Variants in LCP2 observed in about 807,000 individuals in gnomAD.
LCP2 encodes the protein lymphocyte cytosolic protein 2, also known as 76 kDa tyrosine phosphoprotein.
In LCP2, 29 loss-of-function variants were observed where a neutral mutation model predicts 74.5. The observed-to-expected ratio is 0.39, with a 90% CI of 0.29 to 0.53. The LOEUF (loss-of-function observed/expected upper bound fraction) is 0.53, where lower values mean the gene tolerates loss of function less well. Among genes scored for constraint, LCP2 ranks in the 20% least tolerant of loss-of-function variants. The pLI, the probability that LCP2 is intolerant of heterozygous loss-of-function variation, is 0.72. For synonymous variants in LCP2, 228 were observed against 229.5 expected (o/e 0.99, Z 0.06); for missense variants, 604 against 634.6 (o/e 0.95, Z 0.52).
intron 2 of LCP2, among the ~76,000 whole-genome samples, chr5:170,290,952 A>AAAAGAAAGAAAGAAAGAAAG (rs201112309): frequency 1.7e-5 from 2 of 116,956 alleles, no homozygotes; most frequent in Non-Finnish European, 3.5e-5. Context: ...AGAAAGAAAG[A>AAAAGAAAGAAAGAAAGAAAG]AAAGAAAGAA....
At chr5:170,276,764 G>T (rs896443998) in intron 3 of LCP2, among the ~76,000 whole-genome samples, 17 of 152,076 alleles carry the variant, frequency 1.1e-4, no homozygotes, top group Non-Finnish European at 2.2e-4. Flanking sequence ...GTAGTCAATA[G>T]GCTTAGTGTT....
rs962580918 is a variant in LCP2 at position 170,293,375 on chromosome 5, G to T, written c.79-3C>A. 6.3e-7 allele frequency: 1 copy of T among 1,590,106 alleles called. No homozygotes were observed. Among genetic ancestry groups the T allele is most frequent in the Non-Finnish European group, 8.6e-7 (1 of 1,167,506 alleles). ...TTCTCACAGTCCTTATAGTTGAGCT[G>T]CAAAGAGAAGGGGAAGGTGTTGTTA... is the stretch of plus-strand genomic sequence containing the variant. On this transcript the variant is annotated splice_region_variant and splice_polypyrimidine_tract_variant and intron_variant, in intron 1 of 20. Transcript: ENST00000046794.
At chr5:170,288,224 C>G (rs1317372327) in intron 2 of LCP2, among the ~76,000 whole-genome samples, 4 of 135,138 alleles carry the variant, frequency 3.0e-5, no homozygotes, top group African/African-American at 1.1e-4. Context: ...GCTGGATCTG[C>G]TTTTACAAAG....
chr5:170,290,963 A>AG (rs1554141513), intron 2 of LCP2, among the ~76,000 whole-genome samples: 61 of 48,528 alleles, frequency 1.3e-3, no homozygotes, highest in African/African-American at 4.2e-3. Flanking sequence ...AAAGAAAGAA[A>AG]GAAAGAAAGA....
intron 7 of LCP2, 53 bp downstream of exon 7, chr5:170,270,666 G>T: frequency 2.7e-6 from 4 of 1,466,254 alleles, no homozygotes; most frequent in Non-Finnish European, 9.1e-7. Context: ...TGCAGCAGTG[G>T]CGAGCTTGCC....
At chr5:170,277,414 A>T (rs1762025191) in intron 3 of LCP2, among the ~76,000 whole-genome samples, 2 of 152,094 alleles carry the variant, frequency 1.3e-5, no homozygotes, top group South Asian at 2.1e-4. Flanking sequence ...CGATTCCTCC[A>T]TCACCTCCCC....
chr5:170,254,358 C>T lies in LCP2; in HGVS notation c.1151-1145G>A, dbSNP rs142650974. ...GGTTCTACACCACGGATTGTCACTACGTCTACCTTGTTACACCACTGAGGA... is the reference window on the plus strand; with the variant it reads ...GGTTCTACACCACGGATTGTCACTATGTCTACCTTGTTACACCACTGAGGA... On this transcript the variant is annotated intron_variant, in intron 17 of 20. Transcript: ENST00000046794. 1.1e-4 allele frequency among the ~76,000 whole-genome samples: 17 copies of T among 152,310 alleles called. 1 individual carries two copies. In the East Asian group the frequency reaches 2.7e-3, roughly 24 times the overall value.
chr5:170,289,619 TTCTTTCTTTCTTTCTTTC>T (rs1762244190), intron 2 of LCP2, among the ~76,000 whole-genome samples: 1 of 74,592 alleles, frequency 1.3e-5, no homozygotes, highest in Non-Finnish European at 2.8e-5. Context: ...TTCTTTCTTT[TTCTTTCTTTCTTTCTTTC>T]TTTCTTTCTT....
At position 170,248,695 on chromosome 5, in the gene LCP2, TGCTATG is replaced by T; in HGVS notation, c.1598_*1del. 1 of 1,611,770 alleles carries T rather than the reference TGCTATG, an allele frequency of 6.2e-7. No homozygotes were observed. The highest frequency in any genetic ancestry group is 8.5e-7 in the Non-Finnish European group (1 of 1,178,880). ...ACGGTTCATTTGCTCGGCTATAACT[TGCTATG>T]GGTACCCTGCAGCATGCGTTAATGT... On this transcript the variant is annotated stop_lost and 3_prime_UTR_variant, in exon 21 of 21. Coordinates refer to ENST00000046794, the MANE Select transcript of LCP2 (RefSeq NM_005565.5).
At position 170,267,400 on chromosome 5, in the gene LCP2, C is replaced by T. The variant is rs1761785849; in HGVS notation, c.622-325G>A. 3 of 427,820 alleles carry T rather than the reference C, an allele frequency of 7.0e-6. No homozygotes were observed. In the East Asian group the frequency reaches 1.4e-4, roughly 19 times the overall value. The allele number at this position is 427,820 out of a possible 1,614,324, so 26.5% of individuals were successfully genotyped here. A position where few individuals can be genotyped will look rare whatever the true frequency, so the allele number is the denominator to read the frequency against. On this transcript the variant is annotated intron_variant, in intron 8 of 20. Coordinates refer to ENST00000046794, the MANE Select transcript of LCP2 (RefSeq NM_005565.5). Reference sequence around the variant, plus strand: ...CTGGCCCATGTCTGCCCTCTCAACTCTTTCCTGTGATCCCTTCTCAGTACT... The same window carrying T: ...CTGGCCCATGTCTGCCCTCTCAACTTTTTCCTGTGATCCCTTCTCAGTACT...
chr5:170,255,020 C>T (rs1176411609), intron 17 of LCP2, among the ~76,000 whole-genome samples: 1 of 152,220 alleles, frequency 6.6e-6, no homozygotes, highest in Non-Finnish European at 1.5e-5. Flanking sequence ...TAAGCCCCAT[C>T]ACAGACTCAT....
At chr5:170,262,070 CT>C (rs1485870581) in intron 13 of LCP2, among the ~76,000 whole-genome samples, 1 of 152,098 alleles carries the variant, frequency 6.6e-6, no homozygotes, top group Non-Finnish European at 1.5e-5. Flanking sequence ...GAGATGGAAG[CT>C]TTGGTTGTAT....
At chr5:170,267,121 A>T (rs887263823) in intron 8 of LCP2, 46 bp from the exon 9 acceptor site, 13 of 1,592,916 alleles carry the variant, frequency 8.2e-6, no homozygotes, top group Non-Finnish European at 1.1e-5. Context: ...ATACATCAGC[A>T]AGAGCCGGCA....
rs993328118 is a variant in LCP2, at chr5:170,247,536, G to C, written c.*1161C>G. On this transcript the variant is annotated 3_prime_UTR_variant, in exon 21 of 21. Coordinates refer to ENST00000046794, the MANE Select transcript of LCP2 (RefSeq NM_005565.5). The stretch of plus-strand genomic sequence containing the variant: ...GTGCAATAACAACCAAGGTCCCAAA[G>C]GGAAAAACTTGAAGAACAACTGATT... 1.3e-5 allele frequency: 2 copies of C among 152,174 alleles called. No individual in the cohort carries two copies. Among genetic ancestry groups the C allele is most frequent in the African/African-American group, 4.8e-5 (2 of 41,436 alleles). 9.4% of individuals were successfully genotyped at this position (152,174 alleles called of 1,614,324 possible). A position where few individuals can be genotyped will look rare whatever the true frequency, so the allele number is the denominator to read the frequency against.
chr5:170,267,190 C>T (rs1761781105), intron 8 of LCP2, 115 bp from the exon 9 acceptor site: 9 of 1,021,810 alleles, frequency 8.8e-6, no homozygotes, highest in South Asian at 1.4e-5. Context: ...TGCCTACAAA[C>T]ATCCATGTCC....
intron 2 of LCP2, among the ~76,000 whole-genome samples, chr5:170,290,960 G>GAAAGA (rs375144657): frequency 0.087 from 3,079 of 35,246 alleles, 56 homozygotes; most frequent in African/African-American, 0.14. Flanking sequence ...AGAAAAGAAA[G>GAAAGA]AAAGAAAGAA....
chr5:170,270,673 T>G, intron 7 of LCP2, 46 bp downstream of exon 7: 1 of 1,487,898 alleles, frequency 6.7e-7, no homozygotes, highest in South Asian at 1.4e-5. Context: ...GTGGCGAGCT[T>G]GCCTTTGGGC....
intron 1 of LCP2, 114 bp from the exon 2 acceptor site, chr5:170,293,486 T>C: frequency 1.0e-6 from 1 of 964,644 alleles, no homozygotes. Context: ...CTAGCCAGGC[T>C]CCCCACTGCC....
rs1424300298 is a variant in LCP2 at position 170,291,000 on chromosome 5, G to GAA, written c.141+2309_141+2310insTT. On this transcript the variant is annotated intron_variant, in intron 2 of 20. Coordinates refer to ENST00000046794, the MANE Select transcript of LCP2 (RefSeq NM_005565.5). ...AGAAAGAAAGAAAGAAAGAAAGAAA[G>GAA]AGAGAAAGAAAGAGAGAAAGAAAGA... 1.2e-4 allele frequency among the ~76,000 whole-genome samples: 9 copies of GAA among 76,364 alleles called. No homozygotes were observed. The East Asian group carries it at 1.5e-3, about 13-fold the overall frequency. The allele number at this position is 76,364 out of a possible 152,430, so 50.1% of individuals were successfully genotyped here.
Sources: allele counts gnomAD v4.1 joint callset (sites outside exome capture counted in the v4.1 genomes callset), GRCh38; gene constraint gnomAD v4.1.1; transcripts MANE v1.5; gene names NCBI Gene and HGNC (gene_info 2026-07-23, HGNC 2026-07-21).